Variants in GFRA2 observed in about 807,000 individuals in gnomAD.
The protein encoded by GFRA2 is GDNF family receptor alpha-2.
GFRA2 carries 17 observed loss-of-function variants against 48.3 expected under a neutral mutation model. That is an observed-to-expected ratio of 0.35 (90% CI 0.24 to 0.53). GFRA2 has a LOEUF of 0.53. Ranked by LOEUF, GFRA2 falls within the 20% of genes least tolerant of loss-of-function variation. GFRA2 has a pLI of 0.93. For synonymous variants in GFRA2, 305 were observed against 257.2 expected (o/e 1.19, Z -1.78); for missense variants, 660 against 637.3 (o/e 1.04, Z -0.38).
In GFRA2 at chr8:21,750,534, C is replaced by T. The variant is rs1291164356; in HGVS notation, c.794+54G>A. The T allele has an allele frequency of 9.1e-6, 9 of 985,122 alleles. No individual in the cohort carries two copies. Among genetic ancestry groups the T allele is most frequent in the South Asian group, 1.5e-5 (1 of 67,156 alleles). 61.0% of individuals were successfully genotyped at this position (985,122 alleles called of 1,614,324 possible). On this transcript the variant is annotated intron_variant, in intron 4 of 8. Transcript: ENST00000524240. This position sits in a 1 kb window ranked among gnomAD's most constrained non-coding sequence, Gnocchi z 5.7. ...GAATGCAGAGAAAGGAAAACACAGC[C>T]TGGCAATGCAAGCGCCCTCCTGCCA...
intron 4 of GFRA2, among the ~76,000 whole-genome samples, chr8:21,721,255 C>T (rs141422010): frequency 1.3e-4 from 20 of 152,328 alleles, no homozygotes; most frequent in Admixed American, 7.2e-4. Context: ...AGTGTGTCTG[C>T]CTTTCCCCCC....
chr8:21,771,993 G>A (rs1357503939), intron 3 of GFRA2, among the ~76,000 whole-genome samples: 3 of 152,138 alleles, frequency 2.0e-5, no homozygotes, highest in East Asian at 3.9e-4. Flanking sequence ...GCCAGCGTGC[G>A]ACACACAGGT....
intron 1 of GFRA2, among the ~76,000 whole-genome samples, chr8:21,787,276 G>T (rs1233602786): frequency 2.1e-5 from 3 of 143,162 alleles, no homozygotes; most frequent in Admixed American, 1.4e-4. Flanking sequence ...GGGGGGCAGT[G>T]GGGGGGGTTT....
rs1221433922 is a variant in GFRA2 at position 21,788,177 on chromosome 8, G to C, written c.-18C>G. Reference sequence around the variant, plus strand: ...AAGATCATGTTAAATAAATCCCACCGTTTTTTTGTCTTTCTCCCTTGGGTA... The same window carrying C: ...AAGATCATGTTAAATAAATCCCACCCTTTTTTTGTCTTTCTCCCTTGGGTA... On this transcript the variant is annotated 5_prime_UTR_variant, in exon 1 of 9. Transcript: ENST00000524240. The C allele has an allele frequency of 6.3e-7, 1 of 1,593,614 alleles. No homozygotes were observed. Among genetic ancestry groups the C allele is most frequent in the Non-Finnish European group, 8.6e-7 (1 of 1,169,292 alleles).
intron 2 of GFRA2, among the ~76,000 whole-genome samples, chr8:21,802,750 G>A (rs968576049): frequency 5.9e-5 from 9 of 152,202 alleles, no homozygotes; most frequent in Non-Finnish European, 1.0e-4. Flanking sequence ...GGAAGCTATG[G>A]TGGTAGAATT....
chr8:21,708,382 G>A (rs1331459486), intron 4 of GFRA2, among the ~76,000 whole-genome samples: 4 of 152,142 alleles, frequency 2.6e-5, no homozygotes, highest in Admixed American at 2.6e-4. Context: ...GCTATGAGAG[G>A]GGAAGGTGGG....
intron 4 of GFRA2, among the ~76,000 whole-genome samples, chr8:21,732,242 CTT>C (rs1292490427): frequency 2.0e-5 from 3 of 152,228 alleles, no homozygotes; most frequent in African/African-American, 7.2e-5. Flanking sequence ...ACAAACAGGA[CTT>C]TGAGGTCAGG....
chr8:21,719,910 G>T (rs758699074), intron 4 of GFRA2, among the ~76,000 whole-genome samples: 18 of 152,130 alleles, frequency 1.2e-4, no homozygotes, highest in Non-Finnish European at 2.1e-4. Context: ...CCTGACAACT[G>T]AAGTCTCATT....
At chr8:21,770,102 C>G (rs1806373393) in intron 3 of GFRA2, among the ~76,000 whole-genome samples, 1 of 152,218 alleles carries the variant, frequency 6.6e-6, no homozygotes, top group East Asian at 1.9e-4. Flanking sequence ...CCACCCAAGA[C>G]TCCCTCTGAG....
chr8:21,757,506 C>CTTTTTTTTTTT lies in GFRA2; in HGVS notation c.440-6565_440-6564insAAAAAAAAAAA, dbSNP rs5889999. ...GATTTTTTCTTTAAATTCCTTAATC[C>CTTTTTTTTTTT]TTTTTTTTGAATGGAGTTTCACTCT... On this transcript the variant is annotated intron_variant, in intron 3 of 8. Transcript: ENST00000524240. 4.8e-5 allele frequency among the ~76,000 whole-genome samples: 7 copies of CTTTTTTTTTTT among 145,818 alleles called. No homozygotes were observed. The South Asian group carries it at 1.5e-3, about 31-fold the overall frequency.
intron 3 of GFRA2, among the ~76,000 whole-genome samples, chr8:21,770,729 GGCCCAGT>G (rs370971313): frequency 0.035 from 5,374 of 152,200 alleles, 309 homozygotes; most frequent in African/African-American, 0.12. Context: ...TTTAGGCATG[GGCCCAGT>G]GGCGGTGAGG....
intron 4 of GFRA2, among the ~76,000 whole-genome samples, chr8:21,709,791 A>G (rs2117389764): frequency 6.6e-6 from 1 of 152,252 alleles, no homozygotes; most frequent in African/African-American, 2.4e-5. Flanking sequence ...CATCCCTGAC[A>G]TTGGGAACCC....
At chr8:21,700,569 G>A (rs1213654357) in intron 7 of GFRA2, among the ~76,000 whole-genome samples, 4 of 152,150 alleles carry the variant, frequency 2.6e-5, no homozygotes, top group South Asian at 4.1e-4. Context: ...GGCCCTTCTC[G>A]ACTGCCAACT....
At chr8:21,785,838 T>C (rs1341121400) in intron 1 of GFRA2, among the ~76,000 whole-genome samples, 1 of 152,132 alleles carries the variant, frequency 6.6e-6, no homozygotes, top group Non-Finnish European at 1.5e-5. Context: ...CAAAGGCCTT[T>C]GCCCCCAGCT....
intron 4 of GFRA2, among the ~76,000 whole-genome samples, chr8:21,725,191 T>C (rs1291438295): frequency 6.6e-6 from 1 of 152,206 alleles, no homozygotes; most frequent in Non-Finnish European, 1.5e-5. Flanking sequence ...TACCAGTTCA[T>C]CCCAAGAAGA....
intron 7 of GFRA2, among the ~76,000 whole-genome samples, chr8:21,698,753 C>T (rs1012127255): frequency 6.6e-6 from 1 of 151,698 alleles, no homozygotes; most frequent in South Asian, 2.1e-4. Flanking sequence ...GCACAGCAGA[C>T]CCCCACTCAG....
At chr8:21,800,213 A>G (rs2117112518) in intron 2 of GFRA2, among the ~76,000 whole-genome samples, 1 of 152,320 alleles carries the variant, frequency 6.6e-6, no homozygotes, top group East Asian at 1.9e-4. Context: ...ATCAATCTCA[A>G]TCAATCACTG....
At chr8:21,703,918 C>G (rs1318538784) in intron 6 of GFRA2, among the ~76,000 whole-genome samples, 2 of 152,264 alleles carry the variant, frequency 1.3e-5, no homozygotes, top group Non-Finnish European at 2.9e-5. Context: ...CAGGCAGATT[C>G]ACTTTCTGGA....
intron 4 of GFRA2, among the ~76,000 whole-genome samples, chr8:21,746,528 T>C (rs1805013623): frequency 6.6e-6 from 1 of 152,138 alleles, no homozygotes; most frequent in African/African-American, 2.4e-5. Context: ...CCAGGCCTCC[T>C]AAAGTGAGCC....
Sources: gnomAD v4.1 joint callset for allele counts (sites outside exome capture counted in the v4.1 genomes callset) on GRCh38, gnomAD v4.1.1 for gene constraint, Gnocchi (gnomAD v3.1) non-coding constraint, MANE v1.5 for transcripts, NCBI Gene and HGNC (gene_info 2026-07-23, HGNC 2026-07-21) for gene names.